The following NCKAP5 variants were observed in gnomAD, a reference collection of about 807,000 sequenced individuals.
NCKAP5 encodes NCK associated protein 5.
In NCKAP5, 92 loss-of-function variants were observed where a neutral mutation model predicts 167.0. The ratio of observed to expected loss-of-function variants is 0.55; its 90% CI spans 0.47 to 0.66. NCKAP5 has a LOEUF of 0.66. Among genes scored for constraint, NCKAP5 ranks in the 30% least tolerant of loss-of-function variants. The pLI, the probability that NCKAP5 is intolerant of heterozygous loss-of-function variation, is 0.00. For synonymous variants in NCKAP5, 891 were observed against 877.4 expected, an observed-to-expected ratio of 1.02 and a Z score of -0.27; for missense variants, 2,378 against 2,315.0, an observed-to-expected ratio of 1.03 and a Z score of -0.56.
chr2:133,547,170 C>G (rs567027675), intron 2 of NCKAP5, among the ~76,000 whole-genome samples: 7 of 152,112 alleles, frequency 4.6e-5, no homozygotes, highest in Non-Finnish European at 1.0e-4. Context: ...CTATTCGGAC[C>G]GGCTTAAAAA....
At chr2:133,097,196 T>C (rs2081369686) in intron 6 of NCKAP5, among the ~76,000 whole-genome samples, 1 of 152,180 alleles carries the variant, frequency 6.6e-6, no homozygotes, top group Admixed American at 6.5e-5. Context: ...AGCAGCTGCC[T>C]TGGACTCCGA....
intron 16 of NCKAP5, among the ~76,000 whole-genome samples, chr2:132,755,328 T>C (rs1680443834): frequency 6.6e-6 from 1 of 152,160 alleles, no homozygotes. Context: ...GAAGGTCATC[T>C]TAGGCCTTTC....
intron 3 of NCKAP5, among the ~76,000 whole-genome samples, chr2:133,437,497 G>A (rs1227197307): frequency 1.3e-5 from 2 of 152,160 alleles, no homozygotes; most frequent in Non-Finnish European, 2.9e-5. Flanking sequence ...GTAAAAAAAC[G>A]TGATTTTAGA....
chr2:132,772,884 G>A (rs763333703), intron 16 of NCKAP5, among the ~76,000 whole-genome samples: 4 of 152,198 alleles, frequency 2.6e-5, no homozygotes, highest in African/African-American at 7.2e-5. Context: ...ACATGGCGCC[G>A]AATAGTGGGA....
At chr2:132,767,495 C>G (rs1409020594) in intron 16 of NCKAP5, among the ~76,000 whole-genome samples, 1 of 152,172 alleles carries the variant, frequency 6.6e-6, no homozygotes, top group Non-Finnish European at 1.5e-5. Flanking sequence ...ATCCACCCGC[C>G]TTGGCCTCCT....
the NCKAP5 span, among the ~76,000 whole-genome samples, chr2:133,574,969 G>A: frequency 1.3e-5 from 2 of 152,192 alleles, no homozygotes; most frequent in African/African-American, 2.4e-5. Context: ...CATGTCCAGC[G>A]TGGGGACTGC....
intron 4 of NCKAP5, among the ~76,000 whole-genome samples, chr2:133,286,055 G>T (rs367695394): frequency 7.9e-5 from 12 of 151,462 alleles, no homozygotes; most frequent in East Asian, 3.9e-4. Flanking sequence ...GAGTGCAGTG[G>T]CACGATCTCG....
At chr2:132,761,547 A>G (rs1014179264) in intron 16 of NCKAP5, among the ~76,000 whole-genome samples, 1 of 152,254 alleles carries the variant, frequency 6.6e-6, no homozygotes, top group African/African-American at 2.4e-5. Context: ...TTAAGAAAAT[A>G]CGTATAATTT....
intron 5 of NCKAP5, among the ~76,000 whole-genome samples, chr2:133,179,532 T>C (rs181285425): frequency 6.6e-6 from 1 of 152,220 alleles, no homozygotes; most frequent in Non-Finnish European, 1.5e-5. Flanking sequence ...ATGTTTGAAT[T>C]ATCTGATGCA....
intron 16 of NCKAP5, among the ~76,000 whole-genome samples, chr2:132,763,683 C>T (rs532067342): frequency 9.9e-5 from 15 of 152,244 alleles, no homozygotes; most frequent in South Asian, 4.1e-4. Context: ...TGCCTTTTTC[C>T]GACAGACAAA....
chr2:133,632,428 A>G, the NCKAP5 span, among the ~76,000 whole-genome samples: 2 of 152,262 alleles, frequency 1.3e-5, no homozygotes, highest in South Asian at 2.1e-4. Flanking sequence ...GCAGGGGGAA[A>G]AAAAGACTAG....
In NCKAP5 at chr2:133,208,475, C is replaced by T. The variant is rs533956203; in HGVS notation, c.207+5241G>A. ...TCGTCAGAAAAACATCAGACAAATC[C>T]CAATGAGACAAATGCCACAAAAAAC... On this transcript the variant is annotated intron_variant, in intron 5 of 19. Coordinates refer to ENST00000409261, the MANE Select transcript of NCKAP5 (RefSeq NM_207363.3). Among the ~76,000 whole-genome samples, 17 of 152,172 alleles carry T rather than the reference C, an allele frequency of 1.1e-4. No individual in the cohort carries two copies. In the South Asian group the frequency reaches 3.5e-3, roughly 32 times the overall value.
At chr2:133,639,962 C>A in the NCKAP5 span, among the ~76,000 whole-genome samples, 1 of 151,970 alleles carries the variant, frequency 6.6e-6, no homozygotes, top group South Asian at 2.1e-4. Flanking sequence ...TACTGAGATA[C>A]CAAGTTACAG....
chr2:132,836,778 C>T (rs1310443599), intron 11 of NCKAP5, among the ~76,000 whole-genome samples: 2 of 152,146 alleles, frequency 1.3e-5, no homozygotes, highest in African/African-American at 4.8e-5. Context: ...CCCCTAGAGC[C>T]TTGCCTGGGC....
chr2:133,461,171 C>T (rs1345191726), intron 3 of NCKAP5, among the ~76,000 whole-genome samples: 1 of 152,094 alleles, frequency 6.6e-6, no homozygotes, highest in Non-Finnish European at 1.5e-5. Flanking sequence ...AATCTTCATG[C>T]TGTGCCCATT....
chr2:133,578,737 T>C, the NCKAP5 span, among the ~76,000 whole-genome samples: 64 of 152,342 alleles, frequency 4.2e-4, no homozygotes, highest in East Asian at 0.011. Context: ...AATGTCCTTA[T>C]TCAATCAATA....
chr2:133,330,818 G>T (rs1031370934), intron 3 of NCKAP5, among the ~76,000 whole-genome samples: 1 of 152,138 alleles, frequency 6.6e-6, no homozygotes, highest in Non-Finnish European at 1.5e-5. Context: ...GATTGCTTCA[G>T]CCCCGGGATT....
intron 6 of NCKAP5, among the ~76,000 whole-genome samples, chr2:133,037,080 T>C (rs1457852933): frequency 2.0e-5 from 3 of 151,792 alleles, no homozygotes; most frequent in Non-Finnish European, 3.0e-5. Context: ...TAAAATTAAA[T>C]AGGAATTAAC....
the NCKAP5 span, among the ~76,000 whole-genome samples, chr2:133,636,672 C>T: frequency 6.6e-6 from 1 of 152,080 alleles, no homozygotes; most frequent in Non-Finnish European, 1.5e-5. Context: ...AAGAGCCAAA[C>T]AACAAAACAA....
Sources: gnomAD v4.1 joint callset for allele counts (sites outside exome capture counted in the v4.1 genomes callset) on GRCh38, gnomAD v4.1.1 for gene constraint, MANE v1.5 for transcripts, NCBI Gene and HGNC (gene_info 2026-07-23, HGNC 2026-07-21) for gene names.